Variants in ASIC1 observed in about 807,000 individuals in gnomAD.
The protein encoded by ASIC1 is acid-sensing ion channel 1.
Under a neutral mutation model 63.4 loss-of-function variants are expected in ASIC1, and 21 were observed. The ratio of observed to expected loss-of-function variants is 0.33; its 90% confidence interval spans 0.23 to 0.48. The LOEUF (loss-of-function observed/expected upper bound fraction) is 0.48. Among genes scored for constraint, ASIC1 ranks in the 20% least tolerant of loss-of-function variants. ASIC1 has a pLI of 0.99. For synonymous variants in ASIC1, 258 were observed against 278.2 expected, an observed-to-expected ratio of 0.93 and a Z score of 0.72; for missense variants, 478 against 695.5, an observed-to-expected ratio of 0.69 and a Z score of 3.52.
chr12:50,065,487 T>TG (rs1950537537), intron 3 of ASIC1, among the ~76,000 whole-genome samples: 1 of 152,234 alleles, frequency 6.6e-6, no homozygotes, highest in Admixed American at 6.5e-5. Flanking sequence ...TGGGACTCTT[T>TG]GGCCAAGCCC....
chr12:50,073,118 G>C (rs528502498), intron 3 of ASIC1, among the ~76,000 whole-genome samples: 119 of 152,196 alleles, frequency 7.8e-4, no homozygotes, highest in Middle Eastern at 3.4e-3. Context: ...GTGTGTCCTG[G>C]GGGGGTAGGG....
chr12:50,067,397 C>T (rs936828010), intron 3 of ASIC1, among the ~76,000 whole-genome samples: 4 of 142,900 alleles, frequency 2.8e-5, no homozygotes, highest in South Asian at 4.6e-4. Context: ...TGCCCACCAA[C>T]TCTTCTGCTG....
chr12:50,082,651 C>T lies in ASIC1; in HGVS notation c.*1002C>T, dbSNP rs574868903. ...TTGTCTCTGAGAACCATTCTCCCAC[C>T]CCAAGTTCCACCTTCTATGTTTCTA... On this transcript the variant is annotated 3_prime_UTR_variant, in exon 12 of 12. Transcript: ENST00000447966. 1 of 152,904 alleles carries T rather than the reference C, an allele frequency of 6.5e-6. No individual in the cohort carries two copies. Among genetic ancestry groups the T allele is most frequent in the Admixed American group, 6.5e-5 (1 of 15,296 alleles). The allele number at this position is 152,904 out of a possible 1,614,324, so 9.5% of individuals were successfully genotyped here. A position where few individuals can be genotyped will look rare whatever the true frequency, so the allele number is the denominator to read the frequency against.
intron 3 of ASIC1, 50 bp downstream of exon 3, chr12:50,060,004 G>C (rs763084190): frequency 3.8e-6 from 6 of 1,597,480 alleles, no homozygotes; most frequent in Admixed American, 3.4e-5. Context: ...CAGAGGAGGA[G>C]GAGGAGACAA....
rs1950682791 is a variant in ASIC1 at position 50,078,585 on chromosome 12, C to G, written c.994+8C>G. The G allele has an allele frequency of 2.5e-6, 4 of 1,613,968 alleles. No homozygotes were observed. The highest frequency in any genetic ancestry group is 2.7e-5 in the African/African-American group (2 of 75,030). On this transcript the variant is annotated splice_region_variant and intron_variant, in intron 6 of 11. Transcript: ENST00000447966. The surrounding 1 kb of genome is among the most constrained non-coding windows in gnomAD (Gnocchi z 6.0). ...GCATGGTGCACATGCCAGGTCAGGCCTGGGGCTCCGAGCATACTCCTGGGG... is the reference window on the plus strand; with the variant it reads ...GCATGGTGCACATGCCAGGTCAGGCGTGGGGCTCCGAGCATACTCCTGGGG...
intron 3 of ASIC1, among the ~76,000 whole-genome samples, chr12:50,070,355 G>T (rs1565728243): frequency 6.6e-6 from 1 of 151,704 alleles, no homozygotes; most frequent in Non-Finnish European, 1.5e-5. Context: ...CATGCAGTTG[G>T]GTGTGTGTGT....
intron 3 of ASIC1, chr12:50,073,926 C>T: frequency 2.0e-6 from 3 of 1,535,870 alleles, no homozygotes; most frequent in Non-Finnish European, 2.6e-6. Context: ...TTGCTTATTA[C>T]CTCAGCTACC....
intron 3 of ASIC1, among the ~76,000 whole-genome samples, chr12:50,062,663 A>C (rs1284792555): frequency 1.3e-5 from 2 of 152,110 alleles, no homozygotes; most frequent in Non-Finnish European, 2.9e-5. Context: ...TCTAAGGGCA[A>C]CCCTCTTCTC....
In ASIC1 at chr12:50,059,580, C is replaced by T. The variant is rs1302598307; in HGVS notation, c.363-179C>T. Among the ~76,000 whole-genome samples, 1 of 152,206 alleles carries T rather than the reference C, an allele frequency of 6.6e-6. No individual in the cohort carries two copies. The highest frequency in any genetic ancestry group is 6.5e-5 in the Admixed American group (1 of 15,286). On this transcript the variant is annotated intron_variant, in intron 2 of 11. Transcript: ENST00000447966. This position sits in a 1 kb window ranked among gnomAD's most constrained non-coding sequence, Gnocchi z 4.6. ...ATGGGATGCCCTGCCCCTGGGCAGC[C>T]ACTACAGTTCCTCCTGTCATTTCAG... is the stretch of plus-strand genomic sequence containing the variant.
intron 1 of ASIC1, among the ~76,000 whole-genome samples, chr12:50,058,127 GC>G (rs1189033362): frequency 5.3e-5 from 8 of 151,378 alleles, no homozygotes; most frequent in Admixed American, 5.3e-4. Flanking sequence ...AGGGAACCGC[GC>G]CCCCCCTCCA....
intron 3 of ASIC1, among the ~76,000 whole-genome samples, chr12:50,060,947 G>A (rs899419427): frequency 4.6e-5 from 7 of 152,298 alleles, no homozygotes; most frequent in Admixed American, 2.0e-4. Context: ...ACAAATGCAC[G>A]AAACTGAGAC....
rs1218775702 is a variant in ASIC1, at chr12:50,081,179, G to A, written c.1375G>A (p.Glu459Lys). The change falls in exon 10 of 12, where the codon GAG becomes AAG. Residue 459 changes from glutamate to lysine, a missense_variant and splice_region_variant. Transcript: ENST00000447966. The part of the protein sequence containing the change: ...TVLELFDYAY[E>K]VIKHKLCRRG... ...GCTGGAGCTCTTTGACTACGCCTAC[G>A]AGGTAAGCGGGGGCGAGGCCCGGCA... 6.2e-7 allele frequency: 1 copy of A among 1,611,346 alleles called. No individual in the cohort carries two copies. The highest frequency in any genetic ancestry group is 1.7e-5 in the Admixed American group (1 of 59,552).
intron 7 of ASIC1, 41 bp from the exon 8 acceptor site, chr12:50,079,861 G>A: frequency 1.3e-6 from 2 of 1,563,992 alleles, no homozygotes; most frequent in African/African-American, 1.4e-5. Context: ...GCTGGCAGAA[G>A]GGCACCACTC....
intron 3 of ASIC1, among the ~76,000 whole-genome samples, chr12:50,066,981 C>G (rs1285850923): frequency 6.6e-6 from 1 of 152,196 alleles, no homozygotes; most frequent in Non-Finnish European, 1.5e-5. Context: ...GTTGGTCGCT[C>G]TTTCTCAAGT....
Position 50,078,773 on chromosome 12 carries a change from C to T in ASIC1, c.995-151C>T. ...TGGGAAGGGTCTAGAAGGTATGGAC[C>T]TGGAGTGGGTCACTTCTGGGGCAGC... On this transcript the variant is annotated intron_variant, in intron 6 of 11. Transcript: ENST00000447966. This position sits in a 1 kb window ranked among gnomAD's most constrained non-coding sequence, Gnocchi z 6.0. 7.6e-7 allele frequency: 1 copy of T among 1,307,476 alleles called. No homozygotes were observed. The highest frequency in any genetic ancestry group is 1.1e-6 in the Non-Finnish European group (1 of 910,702). The allele number at this position is 1,307,476 out of a possible 1,614,324, so 81.0% of individuals were successfully genotyped here. A position where few individuals can be genotyped will look rare whatever the true frequency, so the allele number is the denominator to read the frequency against.
At chr12:50,073,588 C>T (rs1190825616) in intron 3 of ASIC1, 5 of 1,515,730 alleles carry the variant, frequency 3.3e-6, no homozygotes, top group Admixed American at 2.1e-5. Context: ...GGAGAAAATG[C>T]CCATCCAGAT....
At chr12:50,066,664 C>T (rs1950548331) in intron 3 of ASIC1, among the ~76,000 whole-genome samples, 1 of 152,168 alleles carries the variant, frequency 6.6e-6, no homozygotes, top group Admixed American at 6.5e-5. Context: ...GCGTGCAGTG[C>T]TGCCTGGCAA....
rs764985433 is a variant in ASIC1 at position 50,059,098 on chromosome 12, C to T, written c.332C>T (p.Ala111Val). ...SQVSKNDLYH[A>V]GELLALLNNR... ...GTCTCCAAGAATGACCTGTATCATGCTGGGGAGCTGCTGGCCCTGCTCAAC... is the reference window on the plus strand; with the variant it reads ...GTCTCCAAGAATGACCTGTATCATGTTGGGGAGCTGCTGGCCCTGCTCAAC... Residue 111 changes from alanine (A) to valine (V), a missense_variant, in exon 2 of 12, where the codon GCT becomes GTT. Around this residue, in one of 3 missense-constraint regions of ASIC1, gnomAD observed 290 missense variants for 414.9 expected, o/e 0.70. Coordinates refer to ENST00000447966, the MANE Select transcript of ASIC1 (RefSeq NM_001095.4). This position sits in a 1 kb window ranked among gnomAD's most constrained non-coding sequence, Gnocchi z 4.6. The T allele has an allele frequency of 9.9e-6, 16 of 1,613,878 alleles. No individual in the cohort carries two copies. Among genetic ancestry groups the T allele is most frequent in the Non-Finnish European group, 1.4e-5 (16 of 1,179,990 alleles).
intron 9 of ASIC1, 164 bp downstream of exon 9, chr12:50,080,753 G>C: frequency 1.9e-6 from 3 of 1,590,796 alleles, no homozygotes; most frequent in Non-Finnish European, 2.6e-6. Flanking sequence ...AGGGAACTGA[G>C]CCTTCTCTTA....
Sources: allele counts gnomAD v4.1 joint callset (sites outside exome capture counted in the v4.1 genomes callset), GRCh38; gene constraint gnomAD v4.1.1; regional missense constraint gnomAD v4.1.1; non-coding constraint Gnocchi (gnomAD v3.1); transcripts MANE v1.5; gene names NCBI Gene and HGNC (gene_info 2026-07-23, HGNC 2026-07-21).